Variants in KRTAP9-9 observed in about 807,000 individuals in gnomAD.
KRTAP9-9 encodes keratin-associated protein 9-9.
Under a neutral mutation model 13.7 loss-of-function variants are expected in KRTAP9-9, and 12 were observed. The ratio of observed to expected loss-of-function variants is 0.88; its 90% CI spans 0.56 to 1.42. The LOEUF is 1.42. Among genes scored for constraint, KRTAP9-9 ranks in the 40% most tolerant of loss-of-function variants. The probability of loss-of-function intolerance (pLI) is 0.00; values close to 1 mark genes in which losing one functional copy is unlikely to be tolerated. For synonymous variants in KRTAP9-9, 81 were observed against 78.1 expected (o/e 1.04, Z -0.19); for missense variants, 194 against 206.5 (o/e 0.94, Z 0.37).
At chr17:41,255,807 GC>G in the KRTAP9-9 span, 1 of 1,613,184 alleles carries the variant, frequency 6.2e-7, no homozygotes, top group Non-Finnish European at 8.5e-7. Context: ...CCCTGCTGCC[GC>G]CCCGCCTGCT....
At chr17:41,255,827 A>G (rs778860331) in exon 1 of KRTAP9-9, 1 of 1,613,122 alleles carries the variant, frequency 6.2e-7, no homozygotes, top group South Asian at 1.1e-5. Flanking sequence ...CTGTGAGACC[A>G]CCTGCTGCAG....
At chr17:41,255,937 T>C in exon 1 of KRTAP9-9, 1 of 1,604,906 alleles carries the variant, frequency 6.2e-7, no homozygotes, top group Non-Finnish European at 8.5e-7. Context: ...AACAACCTTC[T>C]GCTCAACTGA....
At chr17:41,256,282 A>G (rs1046611821) in exon 1 of KRTAP9-9, 3 of 289,412 alleles carry the variant, frequency 1.0e-5, no homozygotes, top group East Asian at 8.3e-5. Context: ...CCTTCTTTTA[A>G]TGATCACTTT....
chr17:41,255,965 T>C, exon 1 of KRTAP9-9: 1 of 1,581,184 alleles, frequency 6.3e-7, no homozygotes, highest in African/African-American at 1.3e-5. Context: ...TTTGGAGGAC[T>C]AATTTACCTT....
chr17:41,255,617 A>G (rs1387710885), exon 1 of KRTAP9-9: 1 of 1,605,242 alleles, frequency 6.2e-7, no homozygotes. Context: ...CTGCTGCAGC[A>G]CAACCTGCTG....
exon 1 of KRTAP9-9, chr17:41,255,977 C>T: frequency 6.4e-7 from 1 of 1,569,304 alleles, no homozygotes; most frequent in East Asian, 2.2e-5. Context: ...ATTTACCTTA[C>T]TGCTGACAGC....
At chr17:41,255,819 G>T in exon 1 of KRTAP9-9, 2 of 1,613,148 alleles carry the variant, frequency 1.2e-6, no homozygotes, top group Non-Finnish European at 1.7e-6. Context: ...CCCGCCTGCT[G>T]TGAGACCACC....
chr17:41,256,229 T>C (rs1378127568), exon 1 of KRTAP9-9: 2 of 460,704 alleles, frequency 4.3e-6, no homozygotes, highest in Non-Finnish European at 7.9e-6. Flanking sequence ...TCTTCACAAC[T>C]ATGTTTTCTT....
exon 1 of KRTAP9-9, chr17:41,255,420 C>T: frequency 1.9e-6 from 3 of 1,597,574 alleles, no homozygotes; most frequent in Non-Finnish European, 2.6e-6. Flanking sequence ...TGTCAGCCTA[C>T]CTGCTGCAGG....
chr17:41,256,092 T>G, exon 1 of KRTAP9-9: 5 of 927,740 alleles, frequency 5.4e-6, no homozygotes, highest in Non-Finnish European at 6.4e-6. Context: ...CTTTTTCTTA[T>G]ACCTTGTGAA....
chr17:41,255,961 G>T (rs2016316822), exon 1 of KRTAP9-9: 1 of 1,587,014 alleles, frequency 6.3e-7, no homozygotes, highest in Admixed American at 1.7e-5. Context: ...ATCTTTTGGA[G>T]GACTAATTTA....
exon 1 of KRTAP9-9, chr17:41,255,579 C>T (rs762166110): frequency 1.9e-6 from 3 of 1,613,664 alleles, no homozygotes; most frequent in South Asian, 1.1e-5. Flanking sequence ...TGCCAGCCCA[C>T]CTGTCTGACC....
rs760470997 is a variant in KRTAP9-9 at position 41,255,871 on chromosome 17, C to T, written c.486C>T (p.Ser162=). 28 of 1,614,086 alleles carry T rather than the reference C, an allele frequency of 1.7e-5. No individual in the cohort carries two copies. In the East Asian group the frequency reaches 5.8e-4, roughly 33 times the overall value. The change falls in exon 1 of 1, where the codon AGC becomes AGT. Residue 162 remains serine, a synonymous_variant. Transcript: ENST00000394008. The stretch of plus-strand genomic sequence containing the variant: ...GCTTCCAGCCCACCTGTGTGTCCAG[C>T]TGCTGCCAGCCTTCTTGCTGCTGAT...
At chr17:41,256,063 A>C in exon 1 of KRTAP9-9, 2 of 1,301,802 alleles carry the variant, frequency 1.5e-6, no homozygotes, top group Non-Finnish European at 2.1e-6. Context: ...GGGAGGGCAG[A>C]ATACTTCATC....
chr17:41,255,572 C>T, the KRTAP9-9 span: 1 of 1,613,628 alleles, frequency 6.2e-7, no homozygotes, highest in Non-Finnish European at 8.5e-7. Flanking sequence ...CACCTGCTGC[C>T]AGCCCACCTG....
At chr17:41,255,992 A>G in exon 1 of KRTAP9-9, 5 of 1,549,108 alleles carry the variant, frequency 3.2e-6, no homozygotes, top group Non-Finnish European at 4.4e-6. Flanking sequence ...GACAGCAACC[A>G]TGTTCTCACC....
Position 41,255,993 on chromosome 17 carries a change from T to C in KRTAP9-9, c.*98T>C. 5.8e-6 allele frequency: 9 copies of C among 1,544,614 alleles called. No individual in the cohort carries two copies. In the South Asian group the frequency reaches 1.1e-4, roughly 20 times the overall value. ...TTTACCTTACTGCTGACAGCAACCA[T>C]GTTCTCACCCAAATTTTTATGAATT... is the stretch of plus-strand genomic sequence containing the variant. On this transcript the variant is annotated 3_prime_UTR_variant, in exon 1 of 1. Coordinates refer to ENST00000394008, the Ensembl canonical transcript of KRTAP9-9.
chr17:41,255,593 T>A (rs756386540), exon 1 of KRTAP9-9: 5 of 1,613,554 alleles, frequency 3.1e-6, no homozygotes, highest in Admixed American at 1.7e-5. Flanking sequence ...TCTGACCAGC[T>A]GCTGCCAGCC....
At chr17:41,255,390 C>A (rs1479780052) in exon 1 of KRTAP9-9, 1 of 1,593,466 alleles carries the variant, frequency 6.3e-7, no homozygotes, top group Non-Finnish European at 8.5e-7. Flanking sequence ...GACACCATGA[C>A]CCACTGTTGC....
Sources: gnomAD v4.1 joint callset for allele counts on GRCh38, gnomAD v4.1.1 for gene constraint, MANE v1.5 for transcripts, NCBI Gene and HGNC (gene_info 2026-07-23, HGNC 2026-07-21) for gene names.